PCDH15: variants seen among roughly 807,000 people sequenced by gnomAD.
PCDH15 encodes protocadherin related 15.
A neutral mutation model predicts 178.5 loss-of-function variants in PCDH15; 129 were observed. The ratio of observed to expected loss-of-function variants is 0.72; its 90% CI spans 0.63 to 0.84. The LOEUF (loss-of-function observed/expected upper bound fraction) is 0.84, where lower values mean the gene tolerates loss of function less well. Ranked by LOEUF, PCDH15 falls within the 40% of genes least tolerant of loss-of-function variation. The pLI is 0.00. For synonymous variants in PCDH15, 800 were observed against 732.0 expected, an observed-to-expected ratio of 1.09 and a Z score of -1.50; for missense variants, 2,230 against 2,099.9, an observed-to-expected ratio of 1.06 and a Z score of -1.21.
At chr10:54,840,604 T>G (rs1953401118) in intron 3 of PCDH15, among the ~76,000 whole-genome samples, 1 of 151,852 alleles carries the variant, frequency 6.6e-6, no homozygotes, top group African/African-American at 2.4e-5. Context: ...ATATTTAAGT[T>G]TAAATGAATT....
chr10:53,869,758 A>G (rs938177335), intron 26 of PCDH15, among the ~76,000 whole-genome samples: 3 of 151,872 alleles, frequency 2.0e-5, no homozygotes, highest in Admixed American at 6.6e-5. Context: ...CCTGCACAAT[A>G]TAGTGAAACT....
At chr10:53,828,416 T>C (rs1277285300) in intron 31 of PCDH15, 149 bp downstream of exon 31, 26 of 681,654 alleles carry the variant, frequency 3.8e-5, no homozygotes, top group Non-Finnish European at 5.7e-5. Context: ...AGCTCAATTC[T>C]ATATATATCA....
At chr10:55,391,822 C>T (rs922585637) in intron 2 of PCDH15, among the ~76,000 whole-genome samples, 2 of 152,164 alleles carry the variant, frequency 1.3e-5, no homozygotes, top group Admixed American at 1.3e-4. Flanking sequence ...ATAATTTTTC[C>T]TCAACATTCA....
chr10:54,985,217 G>T (rs1839332692), intron 2 of PCDH15, among the ~76,000 whole-genome samples: 1 of 151,880 alleles, frequency 6.6e-6, no homozygotes, highest in African/African-American at 2.4e-5. Flanking sequence ...GTATATTATG[G>T]TATCTATATA....
chr10:54,800,359 G>A (rs139479635), intron 1 of PCDH15, among the ~76,000 whole-genome samples: 3 of 152,220 alleles, frequency 2.0e-5, no homozygotes, highest in East Asian at 1.9e-4. Context: ...TTCCAGATAC[G>A]CACAAAGGAA....
intron 30 of PCDH15, among the ~76,000 whole-genome samples, chr10:53,829,131 C>T (rs1404742942): frequency 6.6e-6 from 1 of 152,140 alleles, no homozygotes; most frequent in Non-Finnish European, 1.5e-5. Flanking sequence ...TTCATTCTTA[C>T]CTTATTTGCA....
intron 5 of PCDH15, among the ~76,000 whole-genome samples, chr10:54,360,593 T>C (rs936227874): frequency 6.6e-6 from 1 of 152,106 alleles, no homozygotes; most frequent in African/African-American, 2.4e-5. Context: ...ATTTGTGGGA[T>C]TCTATAGAAA....
intron 3 of PCDH15, among the ~76,000 whole-genome samples, chr10:54,433,170 A>C (rs1957154413): frequency 6.6e-6 from 1 of 152,202 alleles, no homozygotes; most frequent in African/African-American, 2.4e-5. Flanking sequence ...GAGGTTCCTC[A>C]GAAAACTAAA....
At chr10:55,181,601 G>T (rs191149403) in intron 1 of PCDH15, among the ~76,000 whole-genome samples, 354 of 151,982 alleles carry the variant, frequency 2.3e-3, no homozygotes, top group African/African-American at 8.1e-3. Context: ...TTTTCTAAGA[G>T]TGTCAACATT....
At chr10:55,520,058 A>AC (rs1373301335) in intron 2 of PCDH15, among the ~76,000 whole-genome samples, 3 of 146,006 alleles carry the variant, frequency 2.1e-5, no homozygotes, top group Non-Finnish European at 4.5e-5. Flanking sequence ...ATATATATAT[A>AC]CATATATATG....
chr10:53,888,703 ATC>A (rs1491396461), intron 26 of PCDH15, among the ~76,000 whole-genome samples: 1 of 21,082 alleles, frequency 4.7e-5, no homozygotes, highest in Non-Finnish European at 1.3e-4. Context: ...ATATATATAT[ATC>A]TCCTGTGGAA....
rs561082936 is a variant in PCDH15 at position 54,870,558 on chromosome 10, G to T, written c.-29+26892C>A. 1.7e-3 allele frequency among the ~76,000 whole-genome samples: 260 copies of T among 152,210 alleles called. 2 individuals carry two copies. The highest frequency in any genetic ancestry group is 6.1e-3 in the African/African-American group (252 of 41,544). ...CCTAGCACTTCAGGAGGCCGAGGTGGGCGGATCACGAGGTCAGGAGATCGA... is the reference window on the plus strand; with the variant it reads ...CCTAGCACTTCAGGAGGCCGAGGTGTGCGGATCACGAGGTCAGGAGATCGA... On this transcript the variant is annotated intron_variant, in intron 3 of 5. Transcript: ENST00000458638.
intron 3 of PCDH15, among the ~76,000 whole-genome samples, chr10:54,446,571 T>C (rs1365267438): frequency 6.6e-6 from 1 of 151,688 alleles, no homozygotes; most frequent in Non-Finnish European, 1.5e-5. Flanking sequence ...TTGAATTATT[T>C]ATTTTTTAAT....
At chr10:54,047,790 C>T (rs2093686231) in intron 18 of PCDH15, among the ~76,000 whole-genome samples, 1 of 152,048 alleles carries the variant, frequency 6.6e-6, no homozygotes, top group African/African-American at 2.4e-5. Flanking sequence ...TATATATGTA[C>T]CATATTTTCT....
intron 2 of PCDH15, among the ~76,000 whole-genome samples, chr10:55,143,778 A>G (rs1838418237): frequency 6.6e-6 from 1 of 151,630 alleles, no homozygotes; most frequent in Non-Finnish European, 1.5e-5. Context: ...ATTTGTTTTC[A>G]ACCCTGGGTC....
intron 2 of PCDH15, among the ~76,000 whole-genome samples, chr10:55,020,999 C>T (rs753737742): frequency 8.5e-5 from 13 of 152,142 alleles, no homozygotes; most frequent in Non-Finnish European, 1.8e-4. Flanking sequence ...CTCTTACATG[C>T]AAAATGTTTA....
At chr10:54,809,605 A>G (rs2133726849) in intron 3 of PCDH15, among the ~76,000 whole-genome samples, 1 of 152,166 alleles carries the variant, frequency 6.6e-6, no homozygotes, top group Non-Finnish European at 1.5e-5. Flanking sequence ...TCTTATCTCA[A>G]TCCATAGAAA....
In PCDH15 at chr10:55,484,807, T is replaced by G. The variant is rs373494897; in HGVS notation, c.-156+142818A>C. ...GGTAAGGGCAGTCTCTTTAATAAAT[T>G]GTGCTTGGAAAATGTGATGGCCACA... On this transcript the variant is annotated intron_variant, in intron 2 of 5. Transcript: ENST00000613346. Among the ~76,000 whole-genome samples the G allele has an allele frequency of 2.6e-5, 4 of 151,646 alleles. No homozygotes were observed. The East Asian group carries it at 5.8e-4, about 22-fold the overall frequency.
intron 2 of PCDH15, among the ~76,000 whole-genome samples, chr10:54,957,389 TTTC>T (rs1274788467): frequency 6.6e-6 from 1 of 151,818 alleles, no homozygotes; most frequent in East Asian, 1.9e-4. Context: ...GCTTGAACTT[TTTC>T]TTAAGTTCAA....
Sources: allele counts gnomAD v4.1 joint callset (sites outside exome capture counted in the v4.1 genomes callset), GRCh38; gene constraint gnomAD v4.1.1; transcripts MANE v1.5; gene names NCBI Gene and HGNC (gene_info 2026-07-23, HGNC 2026-07-21).